The following TNFRSF19 variants were observed in gnomAD, a reference collection of about 807,000 sequenced individuals.
TNFRSF19 encodes tumor necrosis factor receptor superfamily member 19.
TNFRSF19 carries 27 observed loss-of-function variants against 46.4 expected under a neutral mutation model. That is an observed-to-expected ratio of 0.58 (90% CI 0.43 to 0.80). The LOEUF is 0.80. TNFRSF19 is among the 30% of genes least tolerant of loss of function. TNFRSF19 has a pLI of 0.00. For synonymous variants in TNFRSF19, 204 were observed against 205.0 expected (o/e 1.00, Z 0.04); for missense variants, 511 against 530.8 (o/e 0.96, Z 0.37).
At chr13:23,574,061 C>CAA (rs67057644) in intron 1 of TNFRSF19, among the ~76,000 whole-genome samples, 3,840 of 95,028 alleles carry the variant, frequency 0.04, 178 homozygotes, top group Admixed American at 0.097. Context: ...GACTCTGTCT[C>CAA]AAAAAAAAAA....
intron 3 of TNFRSF19, among the ~76,000 whole-genome samples, chr13:23,604,257 G>A (rs1186559730): frequency 7.5e-6 from 1 of 133,220 alleles, no homozygotes; most frequent in African/African-American, 3.1e-5. Flanking sequence ...ATTTATATTA[G>A]CACCCCCCCC....
intron 1 of TNFRSF19, chr13:23,585,657 A>G (rs1197783601): frequency 1.3e-5 from 2 of 152,238 alleles, no homozygotes; most frequent in African/African-American, 2.4e-5. Flanking sequence ...TGCATTGGGC[A>G]CATATTGTGA....
chr13:23,618,516 A>G (rs1300000776), intron 4 of TNFRSF19, among the ~76,000 whole-genome samples: 1 of 152,190 alleles, frequency 6.6e-6, no homozygotes, highest in Non-Finnish European at 1.5e-5. Flanking sequence ...AGAGATTGGA[A>G]TGTTGGTGAT....
chr13:23,611,325 A>T (rs1316551328), intron 3 of TNFRSF19, among the ~76,000 whole-genome samples: 1 of 152,150 alleles, frequency 6.6e-6, no homozygotes, highest in Non-Finnish European at 1.5e-5. Context: ...GCAAGTGGGG[A>T]TATATAGCCA....
rs368701692 is a variant in TNFRSF19 at position 23,668,091 on chromosome 13, G to T, written c.839+9G>T. On this transcript the variant is annotated intron_variant, in intron 8 of 9. Coordinates refer to ENST00000248484, the MANE Select transcript of TNFRSF19 (RefSeq NM_148957.4). ...GCCAGTCTTCAGGCAAGGTAACTAG[G>T]TGCTTTCAATCAATCATTTCATAAC... The T allele has an allele frequency of 6.3e-7, 1 of 1,593,224 alleles. No homozygotes were observed. Among genetic ancestry groups the T allele is most frequent in the African/African-American group, 1.3e-5 (1 of 74,440 alleles).
At chr13:23,650,625 G>T (rs1243730471) in intron 5 of TNFRSF19, among the ~76,000 whole-genome samples, 2 of 152,144 alleles carry the variant, frequency 1.3e-5, no homozygotes, top group African/African-American at 2.4e-5. Flanking sequence ...AATGGGTATG[G>T]GGTTTCCTTT....
intron 4 of TNFRSF19, among the ~76,000 whole-genome samples, chr13:23,626,037 T>G (rs142949985): frequency 0.015 from 2,343 of 152,310 alleles, 22 homozygotes; most frequent in Middle Eastern, 0.024. Context: ...TAGTGTTCAT[T>G]TCCACGATCA....
At chr13:23,669,751 A>G (rs1050821209) in intron 9 of TNFRSF19, 1 of 980,276 alleles carries the variant, frequency 1.0e-6, no homozygotes, top group Non-Finnish European at 1.2e-6. Flanking sequence ...TGGAGGCAGC[A>G]AAGGATTCAG....
At chr13:23,658,940 A>C in intron 5 of TNFRSF19, 110 bp from the exon 6 acceptor site, 1 of 1,399,270 alleles carries the variant, frequency 7.1e-7, no homozygotes, top group South Asian at 1.2e-5. Flanking sequence ...ATCTCATGCC[A>C]GTTTTCTCAC....
chr13:23,588,715 C>T (rs1204885705), intron 1 of TNFRSF19, among the ~76,000 whole-genome samples: 1 of 152,134 alleles, frequency 6.6e-6, no homozygotes, highest in Non-Finnish European at 1.5e-5. Context: ...TTTTTATCTT[C>T]TCACCCTAAC....
At chr13:23,580,358 G>A (rs1027823186) in intron 1 of TNFRSF19, among the ~76,000 whole-genome samples, 3 of 151,398 alleles carry the variant, frequency 2.0e-5, no homozygotes, top group Non-Finnish European at 4.4e-5. Context: ...CCCAAGATAT[G>A]TATGAAGACG....
chr13:23,650,505 A>G (rs1443574670), intron 5 of TNFRSF19, among the ~76,000 whole-genome samples: 2 of 152,248 alleles, frequency 1.3e-5, no homozygotes, highest in African/African-American at 2.4e-5. Context: ...GCTGTATAAT[A>G]CTGTATATCC....
At chr13:23,612,892 G>A (rs1171351310) in intron 3 of TNFRSF19, among the ~76,000 whole-genome samples, 1 of 152,168 alleles carries the variant, frequency 6.6e-6, no homozygotes. Context: ...TCTCAGTGGA[G>A]GGAGGAGGTG....
intron 3 of TNFRSF19, among the ~76,000 whole-genome samples, chr13:23,608,626 T>C (rs1156369845): frequency 6.6e-6 from 1 of 152,212 alleles, no homozygotes; most frequent in Non-Finnish European, 1.5e-5. Context: ...GGAAGTGGTC[T>C]CTATCTGCTC....
At chr13:23,613,137 T>C (rs1002501093) in intron 3 of TNFRSF19, among the ~76,000 whole-genome samples, 1 of 152,268 alleles carries the variant, frequency 6.6e-6, no homozygotes, top group Non-Finnish European at 1.5e-5. Context: ...CCAGGGAAGC[T>C]TTATGATTCT....
At chr13:23,643,068 AC>A (rs1865143318) in intron 5 of TNFRSF19, among the ~76,000 whole-genome samples, 1 of 152,358 alleles carries the variant, frequency 6.6e-6, no homozygotes, top group Admixed American at 6.5e-5. Context: ...TTGCGTTCTT[AC>A]CTTTAACCCT....
Position 23,659,175 on chromosome 13 carries a change from A to T in TNFRSF19, c.571A>T (p.Ile191Phe). 6.2e-7 allele frequency: 1 copy of T among 1,614,056 alleles called. No homozygotes were observed. Among genetic ancestry groups the T allele is most frequent in the South Asian group, 1.1e-5 (1 of 91,074 alleles). ...VLLALLILCV[I>F]YCKRQFMEKK... is the part of the protein sequence containing the mutation. The stretch of plus-strand genomic sequence containing the variant: ...GCTGGCCCTGCTCATCCTCTGTGTC[A>T]TCTATTGTAAGAGACAGTTTATGGA... The change falls in exon 6 of 10, where the codon ATC (isoleucine) becomes TTC (phenylalanine). Residue 191 changes from isoleucine (I) to phenylalanine (F), a missense_variant. By Grantham distance (21) the Ile-to-Phe change is conservative (BLOSUM62 0). This residue lies in a region of TNFRSF19 where 376 missense variants were observed against 372.7 expected (regional missense o/e 1.01). Coordinates refer to ENST00000248484, the MANE Select transcript of TNFRSF19 (RefSeq NM_148957.4). The surrounding 1 kb of genome is among the most constrained non-coding windows in gnomAD (Gnocchi z 4.9).
At chr13:23,637,927 C>A (rs1324149391) in intron 5 of TNFRSF19, among the ~76,000 whole-genome samples, 1 of 152,208 alleles carries the variant, frequency 6.6e-6, no homozygotes, top group African/African-American at 2.4e-5. Flanking sequence ...GCCTGGCACT[C>A]AAAGGGTTAA....
intron 1 of TNFRSF19, among the ~76,000 whole-genome samples, chr13:23,583,561 C>G (rs528874038): frequency 6.6e-6 from 1 of 152,132 alleles, no homozygotes; most frequent in African/African-American, 2.4e-5. Flanking sequence ...AAAAAGAGAA[C>G]AACTACCCAT....
Sources: allele counts gnomAD v4.1 joint callset (sites outside exome capture counted in the v4.1 genomes callset), GRCh38; gene constraint gnomAD v4.1.1; regional missense constraint gnomAD v4.1.1; non-coding constraint Gnocchi (gnomAD v3.1); transcripts MANE v1.5; gene names NCBI Gene and HGNC (gene_info 2026-07-23, HGNC 2026-07-21).